Variants in TAFA5 observed in about 807,000 individuals in gnomAD.
TAFA5 encodes TAFA chemokine like family member 5, also known as chemokine-like protein TAFA-5.
A neutral mutation model predicts 15.3 loss-of-function variants in TAFA5; 6 were observed. The ratio of observed to expected loss-of-function variants is 0.39; its 90% CI spans 0.21 to 0.77. TAFA5 has a LOEUF of 0.77. Among genes scored for constraint, TAFA5 ranks in the 30% least tolerant of loss-of-function variants. The probability of loss-of-function intolerance (pLI) is 0.41; values close to 1 mark genes in which losing one functional copy is unlikely to be tolerated. For missense variants in TAFA5, 161 were observed against 193.1 expected (o/e 0.83, Z 0.98); for synonymous variants, 103 against 80.7 (o/e 1.28, Z -1.48).
intron 2 of TAFA5, among the ~76,000 whole-genome samples, chr22:48,707,149 G>C (rs130137): frequency 0.66 from 99,481 of 151,376 alleles, 33,279 homozygotes; most frequent in Non-Finnish European, 0.72. Flanking sequence ...GGGGTCAGCC[G>C]GGCATCTGCA....
chr22:48,579,550 C>T (rs187717122), intron 1 of TAFA5, among the ~76,000 whole-genome samples: 17 of 152,306 alleles, frequency 1.1e-4, no homozygotes, highest in African/African-American at 3.8e-4. Flanking sequence ...CACGGAGACG[C>T]GAGAGGGAAG....
At chr22:48,541,152 C>T (rs1169117424) in intron 1 of TAFA5, among the ~76,000 whole-genome samples, 1 of 152,094 alleles carries the variant, frequency 6.6e-6, no homozygotes, top group Non-Finnish European at 1.5e-5. Flanking sequence ...TGCACTGGAC[C>T]CAGAGACACC....
At chr22:48,707,005 C>A (rs1929098203) in intron 2 of TAFA5, among the ~76,000 whole-genome samples, 1 of 152,192 alleles carries the variant, frequency 6.6e-6, no homozygotes, top group South Asian at 2.1e-4. Context: ...GCTTCAGAGT[C>A]CTTGTGCTGG....
At chr22:48,559,755 C>A (rs575852343) in intron 1 of TAFA5, among the ~76,000 whole-genome samples, 1 of 152,080 alleles carries the variant, frequency 6.6e-6, no homozygotes, top group Non-Finnish European at 1.5e-5. Flanking sequence ...GCAGGAGGGG[C>A]GGCGGGGCCT....
rs1029636845 is a variant in TAFA5, at chr22:48,627,847, G to A, written c.113-18750G>A. ...CCTGGCCTGGGCACTGAGGCTGCCCGTGGAGTCCGTGTTAGGCTGACCTCA... is the reference window on the plus strand; with the variant it reads ...CCTGGCCTGGGCACTGAGGCTGCCCATGGAGTCCGTGTTAGGCTGACCTCA... On this transcript the variant is annotated intron_variant, in intron 1 of 3. Transcript: ENST00000402357. Among the ~76,000 whole-genome samples the A allele has an allele frequency of 5.9e-5, 9 of 152,334 alleles. No homozygotes were observed. In the South Asian group the frequency reaches 1.2e-3, roughly 21 times the overall value.
At chr22:48,508,311 G>C (rs940674886) in intron 1 of TAFA5, among the ~76,000 whole-genome samples, 97 of 152,328 alleles carry the variant, frequency 6.4e-4, no homozygotes, top group African/African-American at 2.1e-3. Context: ...CGGGGGTGCA[G>C]CCAGTCCCCT....
chr22:48,541,179 G>A (rs146905852), intron 1 of TAFA5, among the ~76,000 whole-genome samples: 6 of 152,212 alleles, frequency 3.9e-5, no homozygotes, highest in South Asian at 2.1e-4. Context: ...CTGTCCTCCC[G>A]GGGCGTTTGT....
chr22:48,504,583 G>T (rs993691481), intron 1 of TAFA5, among the ~76,000 whole-genome samples: 4 of 151,816 alleles, frequency 2.6e-5, no homozygotes, highest in African/African-American at 9.7e-5. Flanking sequence ...ATCATTTGGG[G>T]GGAAGGACAC....
At position 48,598,537 on chromosome 22, in the gene TAFA5, T is replaced by C. The variant is rs573649098; in HGVS notation, c.113-48060T>C. On this transcript the variant is annotated intron_variant, in intron 1 of 3. Transcript: ENST00000402357. The surrounding 1 kb of genome is among the most constrained non-coding windows in gnomAD (Gnocchi z 4.0). ...TTTCGTGGGCCCAGCAGTGGCTGCATCTTAGGCAGTTGTGTGAGATGACCT... is the reference window on the plus strand; with the variant it reads ...TTTCGTGGGCCCAGCAGTGGCTGCACCTTAGGCAGTTGTGTGAGATGACCT... 3.3e-5 allele frequency among the ~76,000 whole-genome samples: 5 copies of C among 152,230 alleles called. No homozygotes were observed. Among genetic ancestry groups the C allele is most frequent in the Admixed American group, 6.5e-5 (1 of 15,296 alleles).
At chr22:48,522,826 G>T (rs1438841891) in intron 1 of TAFA5, among the ~76,000 whole-genome samples, 1 of 152,226 alleles carries the variant, frequency 6.6e-6, no homozygotes, top group Non-Finnish European at 1.5e-5. Context: ...GTCCCTTGGT[G>T]ACTCTGGCTG....
At chr22:48,507,094 C>A (rs1921018097) in intron 1 of TAFA5, among the ~76,000 whole-genome samples, 1 of 151,636 alleles carries the variant, frequency 6.6e-6, no homozygotes, top group African/African-American at 2.4e-5. Context: ...GCCAGGTATG[C>A]AGTTGGAGGA....
intron 1 of TAFA5, among the ~76,000 whole-genome samples, chr22:48,568,713 C>T (rs374466852): frequency 6.6e-5 from 10 of 152,232 alleles, no homozygotes; most frequent in South Asian, 6.2e-4. Context: ...CTGGTCACAA[C>T]GGTGGCTGGA....
chr22:48,576,325 C>T (rs975615252), intron 1 of TAFA5: 21 of 1,206,402 alleles, frequency 1.7e-5, no homozygotes, highest in South Asian at 4.1e-5. Context: ...AATCGCCTCC[C>T]GGAGTGGCGC....
intron 2 of TAFA5, 99 bp from the exon 3 acceptor site, chr22:48,707,618 A>AG: frequency 6.9e-7 from 1 of 1,439,060 alleles, no homozygotes; most frequent in Non-Finnish European, 9.4e-7. Flanking sequence ...GCATTGCCTG[A>AG]GGGCCCCCCC....
intron 1 of TAFA5, among the ~76,000 whole-genome samples, chr22:48,572,596 G>A (rs1253467556): frequency 4.6e-5 from 7 of 152,194 alleles, no homozygotes; most frequent in Admixed American, 3.3e-4. Flanking sequence ...TCCAGAAGCA[G>A]GTTCCTGGCT....
At chr22:48,593,068 C>T (rs1924630659) in intron 1 of TAFA5, among the ~76,000 whole-genome samples, 1 of 152,154 alleles carries the variant, frequency 6.6e-6, no homozygotes, top group East Asian at 1.9e-4. Context: ...ACTGAGATGT[C>T]CTCCGGGAAT....
intron 1 of TAFA5, among the ~76,000 whole-genome samples, chr22:48,526,474 TG>T (rs1464512384): frequency 1.3e-5 from 2 of 152,228 alleles, no homozygotes; most frequent in African/African-American, 4.8e-5. Context: ...TCAGAGTCCC[TG>T]GTCCACAAGG....
At chr22:48,697,969 G>A (rs1601680760) in intron 2 of TAFA5, among the ~76,000 whole-genome samples, 1 of 150,524 alleles carries the variant, frequency 6.6e-6, no homozygotes, top group Admixed American at 6.6e-5. Context: ...TGGTGATGAT[G>A]GTCCTGTTGA....
chr22:48,575,450 C>A lies in TAFA5; in HGVS notation c.113-71147C>A, dbSNP rs1182104323. ...CGGGCCCGGCCACCTGGGCCGGCAG[C>A]GACTGCGCCGCGCTCCCCCTCCCGC... On this transcript the variant is annotated intron_variant, in intron 1 of 3. Transcript: ENST00000402357. Among the ~76,000 whole-genome samples, 4 of 146,416 alleles carry A rather than the reference C, an allele frequency of 2.7e-5. No homozygotes were observed. In the South Asian group the frequency reaches 6.2e-4, roughly 23 times the overall value.
Sources: gnomAD v4.1 joint callset for allele counts (sites outside exome capture counted in the v4.1 genomes callset) on GRCh38, gnomAD v4.1.1 for gene constraint, Gnocchi (gnomAD v3.1) non-coding constraint, MANE v1.5 for transcripts, NCBI Gene and HGNC (gene_info 2026-07-23, HGNC 2026-07-21) for gene names.